GPC5: variants seen among roughly 807,000 people sequenced by gnomAD.
GPC5 encodes the protein glypican 5.
A neutral mutation model predicts 53.9 loss-of-function variants in GPC5; 47 were observed. The ratio of observed to expected loss-of-function variants is 0.87; its 90% CI spans 0.69 to 1.11. The LOEUF (loss-of-function observed/expected upper bound fraction) is 1.11. GPC5 is among the 50% of genes most tolerant of loss of function. The pLI, the probability that GPC5 is intolerant of heterozygous loss-of-function variation, is 0.00. For synonymous variants in GPC5, 286 were observed against 263.3 expected (o/e 1.09, Z -0.84); for missense variants, 748 against 713.1 (o/e 1.05, Z -0.56).
intron 2 of GPC5, among the ~76,000 whole-genome samples, chr13:91,594,599 A>G (rs756689093): frequency 4.1e-5 from 6 of 146,298 alleles, no homozygotes; most frequent in Non-Finnish European, 7.5e-5. Flanking sequence ...TACAGAAGCA[A>G]ACACTATTGT....
At chr13:92,853,466 TCTA>T (rs1878881121) in intron 7 of GPC5, among the ~76,000 whole-genome samples, 1 of 152,158 alleles carries the variant, frequency 6.6e-6, no homozygotes, top group Non-Finnish European at 1.5e-5. Context: ...GTTTCAGGCA[TCTA>T]CTAGGGGTCT....
At position 92,056,792 on chromosome 13, in the gene GPC5, A is replaced by G. The variant is rs572774768; in HGVS notation, c.1402-88038A>G. On this transcript the variant is annotated intron_variant, in intron 6 of 7. Coordinates refer to ENST00000377067, the MANE Select transcript of GPC5 (RefSeq NM_004466.6). ...TAGTTGTCAAGACATAAAGGAAAGCAATATAATATGCTACATTATTTTTCT... is the reference window on the plus strand; with the variant it reads ...TAGTTGTCAAGACATAAAGGAAAGCGATATAATATGCTACATTATTTTTCT... Among the ~76,000 whole-genome samples the G allele has an allele frequency of 2.3e-3, 345 of 152,344 alleles. 2 individuals are homozygous for G. The highest frequency in any genetic ancestry group is 8.1e-3 in the African/African-American group (337 of 41,588).
intron 7 of GPC5, among the ~76,000 whole-genome samples, chr13:92,747,798 A>G (rs548781909): frequency 6.6e-6 from 1 of 152,330 alleles, no homozygotes; most frequent in South Asian, 2.1e-4. Context: ...CTGCTACAAT[A>G]TATTATCATA....
intron 2 of GPC5, among the ~76,000 whole-genome samples, chr13:91,671,364 TG>T (rs1312804686): frequency 6.6e-6 from 1 of 152,200 alleles, no homozygotes; most frequent in African/African-American, 2.4e-5. Flanking sequence ...ATTCATGATT[TG>T]GCTCTCTGCT....
chr13:91,946,557 A>G (rs754027962), intron 6 of GPC5, among the ~76,000 whole-genome samples: 10 of 152,240 alleles, frequency 6.6e-5, no homozygotes, highest in Non-Finnish European at 1.3e-4. Flanking sequence ...TTTTTTGGTA[A>G]TCAATTCTGT....
chr13:92,484,980 C>T (rs1435746233), intron 7 of GPC5, among the ~76,000 whole-genome samples: 1 of 152,124 alleles, frequency 6.6e-6, no homozygotes, highest in Non-Finnish European at 1.5e-5. Context: ...AAGTGATCCA[C>T]CTGCCTCGGC....
chr13:92,248,764 G>A (rs977239155), intron 7 of GPC5, among the ~76,000 whole-genome samples: 6 of 152,078 alleles, frequency 3.9e-5, no homozygotes, highest in African/African-American at 1.4e-4. Flanking sequence ...GAGGAGATGG[G>A]GATTCGATCA....
At chr13:92,479,116 A>G (rs17435780) in intron 7 of GPC5, among the ~76,000 whole-genome samples, 3,633 of 152,290 alleles carry the variant, frequency 0.024, 66 homozygotes, top group South Asian at 0.092. Flanking sequence ...AAGAGTTCAG[A>G]ATGAGTCATA....
At chr13:91,527,659 C>T (rs1296326654) in intron 2 of GPC5, among the ~76,000 whole-genome samples, 1 of 152,258 alleles carries the variant, frequency 6.6e-6, no homozygotes, top group African/African-American at 2.4e-5. Context: ...CCACATTTCC[C>T]CTCTGTACTG....
intron 2 of GPC5, among the ~76,000 whole-genome samples, chr13:91,613,439 C>G (rs1394164770): frequency 6.6e-6 from 1 of 152,162 alleles, no homozygotes; most frequent in Non-Finnish European, 1.5e-5. Context: ...CACCGGGGCT[C>G]TCCCACAACA....
intron 7 of GPC5, among the ~76,000 whole-genome samples, chr13:92,794,482 G>T (rs1218650388): frequency 1.3e-5 from 2 of 152,128 alleles, no homozygotes; most frequent in African/African-American, 4.8e-5. Flanking sequence ...ATAAGACAAG[G>T]ATGCCCTCTC....
chr13:92,008,229 A>AT (rs1417920816), intron 6 of GPC5, among the ~76,000 whole-genome samples: 2 of 151,696 alleles, frequency 1.3e-5, no homozygotes, highest in Non-Finnish European at 2.9e-5. Flanking sequence ...CGCCCGGCTA[A>AT]TTTTTTGTAT....
At chr13:92,861,375 G>A (rs1206777711) in intron 7 of GPC5, among the ~76,000 whole-genome samples, 1 of 152,090 alleles carries the variant, frequency 6.6e-6, no homozygotes, top group Non-Finnish European at 1.5e-5. Context: ...CTCTAATGAA[G>A]GGCTGTACCC....
At chr13:92,817,174 TCTC>T (rs1456434255) in intron 7 of GPC5, among the ~76,000 whole-genome samples, 1 of 151,950 alleles carries the variant, frequency 6.6e-6, no homozygotes, top group Non-Finnish European at 1.5e-5. Flanking sequence ...TCAGACCCAT[TCTC>T]CTCCGCCTAC....
At chr13:91,474,501 C>T (rs930294136) in intron 2 of GPC5, among the ~76,000 whole-genome samples, 3 of 152,056 alleles carry the variant, frequency 2.0e-5, no homozygotes, top group Non-Finnish European at 4.4e-5. Flanking sequence ...GTCAGTTTCT[C>T]AATCTCTTTC....
At chr13:91,426,814 A>T (rs1879090053) in intron 1 of GPC5, among the ~76,000 whole-genome samples, 1 of 152,110 alleles carries the variant, frequency 6.6e-6, no homozygotes, top group Non-Finnish European at 1.5e-5. Context: ...CACTGATTCA[A>T]ATGTTAATCT....
intron 7 of GPC5, chr13:92,705,835 C>T (rs533516768): frequency 6.6e-6 from 1 of 151,520 alleles, no homozygotes; most frequent in South Asian, 2.1e-4. Context: ...CCTGTAGTCC[C>T]AGCAATTTGA....
chr13:91,498,593 G>A (rs769039871), intron 2 of GPC5, among the ~76,000 whole-genome samples: 5 of 152,134 alleles, frequency 3.3e-5, no homozygotes, highest in Non-Finnish European at 5.9e-5. Flanking sequence ...GGAGATCATC[G>A]TGTTTTTAAA....
At chr13:92,426,950 G>T (rs1337771163) in intron 7 of GPC5, among the ~76,000 whole-genome samples, 1 of 151,992 alleles carries the variant, frequency 6.6e-6, no homozygotes, top group Non-Finnish European at 1.5e-5. Context: ...TGAGCCATCA[G>T]TTTCTATAAT....
Sources: gnomAD v4.1 joint callset for allele counts (sites outside exome capture counted in the v4.1 genomes callset) on GRCh38, gnomAD v4.1.1 for gene constraint, MANE v1.5 for transcripts, NCBI Gene and HGNC (gene_info 2026-07-23, HGNC 2026-07-21) for gene names.